The following NELL1 variants were observed in gnomAD, a reference collection of about 807,000 sequenced individuals.
The protein encoded by NELL1 is neural EGFL like 1, also known as protein kinase C-binding protein NELL1.
In NELL1, 76 loss-of-function variants were observed where a neutral mutation model predicts 107.4. The observed-to-expected ratio is 0.71, with a 90% CI of 0.59 to 0.86. NELL1 has a LOEUF of 0.86. NELL1 is among the 40% of genes least tolerant of loss of function. The probability of loss-of-function intolerance (pLI) is 0.00; values close to 1 mark genes in which losing one functional copy is unlikely to be tolerated. For synonymous variants in NELL1, 353 were observed against 341.2 expected (o/e 1.03, Z -0.38); for missense variants, 1,024 against 1,005.5 (o/e 1.02, Z -0.25).
At chr11:21,015,634 G>C (rs143925785) in intron 12 of NELL1, among the ~76,000 whole-genome samples, 16 of 152,138 alleles carry the variant, frequency 1.1e-4, no homozygotes, top group Admixed American at 9.8e-4. Context: ...CCTTTGTTTG[G>C]TAATGGAGTG....
chr11:21,418,550 T>C (rs968843149), intron 15 of NELL1, among the ~76,000 whole-genome samples: 3 of 152,130 alleles, frequency 2.0e-5, no homozygotes, highest in African/African-American at 7.2e-5. Context: ...TGAGCACATA[T>C]TAGCACAGTG....
intron 12 of NELL1, among the ~76,000 whole-genome samples, chr11:20,978,103 C>T (rs895128756): frequency 2.0e-5 from 3 of 152,164 alleles, no homozygotes; most frequent in Non-Finnish European, 4.4e-5. Flanking sequence ...ATTCTACAAT[C>T]CTAGTTTTCA....
At chr11:21,062,515 T>G (rs556437795) in intron 12 of NELL1, among the ~76,000 whole-genome samples, 14 of 152,322 alleles carry the variant, frequency 9.2e-5, no homozygotes, top group Non-Finnish European at 1.6e-4. Context: ...CATGAACTAG[T>G]TATAAACCAA....
intron 14 of NELL1, among the ~76,000 whole-genome samples, chr11:21,361,259 ATTTTTTTT>A (rs59239329): frequency 3.5e-5 from 4 of 113,568 alleles, no homozygotes; most frequent in Non-Finnish European, 5.3e-5. Context: ...TTGTGTGACA[ATTTTTTTT>A]TTTTTTTTTT....
intron 14 of NELL1, among the ~76,000 whole-genome samples, chr11:21,232,940 A>G (rs1858102540): frequency 6.6e-6 from 1 of 152,230 alleles, no homozygotes; most frequent in Non-Finnish European, 1.5e-5. Context: ...GGCATGAGGC[A>G]CTGCTCTCAG....
At chr11:20,847,053 TC>T (rs1397430744) in intron 3 of NELL1, among the ~76,000 whole-genome samples, 1 of 152,220 alleles carries the variant, frequency 6.6e-6, no homozygotes, top group Non-Finnish European at 1.5e-5. Context: ...CAACCTTTTC[TC>T]CCCTACTCAT....
chr11:21,489,256 T>C (rs1361405122), intron 15 of NELL1, among the ~76,000 whole-genome samples: 1 of 150,452 alleles, frequency 6.6e-6, no homozygotes, highest in Non-Finnish European at 1.5e-5. Flanking sequence ...AACAGACCAA[T>C]AATGAGTAGT....
At chr11:20,700,124 G>GAAAAAAAA (rs146983094) in intron 2 of NELL1, among the ~76,000 whole-genome samples, 1 of 146,804 alleles carries the variant, frequency 6.8e-6, no homozygotes, top group Non-Finnish European at 1.5e-5. Context: ...ACTGTTTTTA[G>GAAAAAAAA]AAAAAACAAA....
At chr11:21,109,967 C>T (rs1190772672) in intron 12 of NELL1, among the ~76,000 whole-genome samples, 1 of 152,042 alleles carries the variant, frequency 6.6e-6, no homozygotes, top group Non-Finnish European at 1.5e-5. Context: ...CCTCTGTTCC[C>T]ATCCCAAAAC....
intron 5 of NELL1, 128 bp downstream of exon 5, chr11:20,885,668 A>G (rs186223360): frequency 9.1e-5 from 58 of 634,000 alleles, no homozygotes; most frequent in Non-Finnish European, 1.5e-4. Context: ...ACTAATGTTT[A>G]TTGAACACTT....
intron 15 of NELL1, among the ~76,000 whole-genome samples, chr11:21,474,985 G>C (rs960236709): frequency 2.0e-5 from 3 of 152,038 alleles, no homozygotes; most frequent in African/African-American, 7.2e-5. Flanking sequence ...AGGCATCTTA[G>C]AGAGAGACCC....
At position 21,367,536 on chromosome 11, in the gene NELL1, A is replaced by G. The variant is rs551151626; in HGVS notation, c.1550-3317A>G. On this transcript the variant is annotated intron_variant, in intron 14 of 19. Transcript: ENST00000357134. ...GGGATCTTTGCCGTCTTACTGCAGC[A>G]TCTTTAGAATCTAGAACATAAACTG... is the stretch of plus-strand genomic sequence containing the variant. Among the ~76,000 whole-genome samples the G allele has an allele frequency of 6.8e-4, 103 of 152,234 alleles. 1 individual carries two copies. Among genetic ancestry groups the G allele is most frequent in the Non-Finnish European group, 1.2e-3 (85 of 68,004 alleles).
intron 12 of NELL1, among the ~76,000 whole-genome samples, chr11:21,037,878 G>A (rs898186371): frequency 2.6e-5 from 4 of 152,108 alleles, no homozygotes; most frequent in African/African-American, 9.7e-5. Flanking sequence ...CTTATTGCTG[G>A]AAATGGAAGT....
intron 15 of NELL1, among the ~76,000 whole-genome samples, chr11:21,427,118 CAG>C (rs932031098): frequency 2.6e-5 from 4 of 152,144 alleles, no homozygotes; most frequent in East Asian, 3.9e-4. Context: ...CAGCATGAAA[CAG>C]GGGAGAGTGA....
At chr11:20,904,925 C>T (rs930125914) in intron 5 of NELL1, among the ~76,000 whole-genome samples, 1 of 151,632 alleles carries the variant, frequency 6.6e-6, no homozygotes, top group Non-Finnish European at 1.5e-5. Flanking sequence ...ACCTCCTGGG[C>T]TCGTGTAATC....
intron 15 of NELL1, among the ~76,000 whole-genome samples, chr11:21,418,946 T>C (rs1852588213): frequency 6.6e-6 from 1 of 152,158 alleles, no homozygotes; most frequent in East Asian, 1.9e-4. Context: ...GATGTTGAGG[T>C]TGTTTATTAC....
At chr11:21,414,738 G>A (rs1564883236) in intron 15 of NELL1, among the ~76,000 whole-genome samples, 1 of 152,074 alleles carries the variant, frequency 6.6e-6, no homozygotes, top group Non-Finnish European at 1.5e-5. Flanking sequence ...GCGGCTATGT[G>A]CAATGGGCAT....
chr11:21,117,508 G>T (rs991426483), intron 13 of NELL1, among the ~76,000 whole-genome samples: 1 of 151,878 alleles, frequency 6.6e-6, no homozygotes, highest in Non-Finnish European at 1.5e-5. Flanking sequence ...ATAAAATATT[G>T]CTCACATCTG....
chr11:21,258,157 G>C (rs1411882509), intron 14 of NELL1, among the ~76,000 whole-genome samples: 1 of 152,020 alleles, frequency 6.6e-6, no homozygotes, highest in Non-Finnish European at 1.5e-5. Flanking sequence ...TGTTATCTGA[G>C]AGTGAGAAAA....
Sources: allele counts gnomAD v4.1 joint callset (sites outside exome capture counted in the v4.1 genomes callset), GRCh38; gene constraint gnomAD v4.1.1; transcripts MANE v1.5; gene names NCBI Gene and HGNC (gene_info 2026-07-23, HGNC 2026-07-21).